The following MSR1 variants were observed in gnomAD, a reference collection of about 807,000 sequenced individuals.
The protein encoded by MSR1 is macrophage scavenger receptor types I and II.
In MSR1, 53 loss-of-function variants were observed where a neutral mutation model predicts 47.2. The observed-to-expected ratio is 1.12, with a 90% confidence interval of 0.90 to 1.41. The LOEUF (loss-of-function observed/expected upper bound fraction) is 1.41, where lower values mean the gene tolerates loss of function less well. Ranked by LOEUF, MSR1 falls within the 40% of genes most tolerant of loss-of-function variation. The pLI is 0.00. For synonymous variants in MSR1, 239 were observed against 185.6 expected (o/e 1.29, Z -2.34); for missense variants, 786 against 546.9 (o/e 1.44, Z -4.36).
intron 1 of MSR1, among the ~76,000 whole-genome samples, chr8:16,183,180 T>C (rs1801886039): frequency 6.6e-6 from 1 of 152,144 alleles, no homozygotes; most frequent in Non-Finnish European, 1.5e-5. Flanking sequence ...CTTCTCCACA[T>C]GTTTGATTAT....
intron 5 of MSR1, among the ~76,000 whole-genome samples, chr8:16,162,877 C>T (rs2117165902): frequency 6.6e-6 from 1 of 151,716 alleles, no homozygotes; most frequent in South Asian, 2.1e-4. Context: ...ACTACTTTTC[C>T]CTAATTAAGG....
At chr8:16,116,454 T>C (rs1432950522) in intron 9 of MSR1, among the ~76,000 whole-genome samples, 4 of 152,102 alleles carry the variant, frequency 2.6e-5, no homozygotes, top group Non-Finnish European at 5.9e-5. Context: ...ATGTATAGAA[T>C]CACCAACTAC....
intron 1 of MSR1, among the ~76,000 whole-genome samples, chr8:16,179,353 T>A (rs891966598): frequency 6.6e-6 from 1 of 152,174 alleles, no homozygotes; most frequent in African/African-American, 2.4e-5. Context: ...ATCCTCTTCC[T>A]CCACAATGTT....
intron 1 of MSR1, among the ~76,000 whole-genome samples, chr8:16,183,630 TATATA>T (rs1351139149): frequency 1.1e-4 from 15 of 141,242 alleles, no homozygotes; most frequent in African/African-American, 2.9e-4. Flanking sequence ...ATATATATAA[TATATA>T]ATATAATAAA....
chr8:16,142,122 G>A (rs570403380), intron 8 of MSR1, among the ~76,000 whole-genome samples: 119 of 151,892 alleles, frequency 7.8e-4, no homozygotes, highest in African/African-American at 2.8e-3. Context: ...TGAGGTCAGG[G>A]GATCGAGACC....
intron 5 of MSR1, among the ~76,000 whole-genome samples, chr8:16,163,393 T>C (rs1801215212): frequency 6.6e-6 from 1 of 151,364 alleles, no homozygotes; most frequent in Admixed American, 6.6e-5. Flanking sequence ...AATCAAAATA[T>C]AGAAAAATAC....
chr8:16,151,659 C>A (rs897852283), intron 6 of MSR1, among the ~76,000 whole-genome samples: 5 of 152,092 alleles, frequency 3.3e-5, no homozygotes, highest in Non-Finnish European at 7.4e-5. Flanking sequence ...GAATCTCAGC[C>A]ATGGGATGTT....
At chr8:16,158,655 C>T (rs981995125) in intron 5 of MSR1, among the ~76,000 whole-genome samples, 1 of 151,442 alleles carries the variant, frequency 6.6e-6, no homozygotes, top group African/African-American at 2.4e-5. Context: ...TTTTCATGCT[C>T]ATTGATTTAG....
chr8:16,132,606 GCC>G (rs991976882), intron 8 of MSR1, among the ~76,000 whole-genome samples: 1 of 152,010 alleles, frequency 6.6e-6, no homozygotes, highest in Non-Finnish European at 1.5e-5. Flanking sequence ...TCCTGCCTCA[GCC>G]CCCCAAGTAG....
At chr8:16,179,387 C>T (rs1028017786) in intron 1 of MSR1, among the ~76,000 whole-genome samples, 3 of 152,106 alleles carry the variant, frequency 2.0e-5, no homozygotes, top group African/African-American at 7.2e-5. Context: ...GAACATAGTC[C>T]TTGTCCATAT....
chr8:16,135,068 G>A (rs2117092882), intron 8 of MSR1, among the ~76,000 whole-genome samples: 1 of 152,206 alleles, frequency 6.6e-6, no homozygotes. Flanking sequence ...TAGCAAGTGT[G>A]GATATAGAAG....
Position 16,186,039 on chromosome 8 carries a change from A to G in MSR1, c.-5+6559T>C, listed in dbSNP as rs1011098357. On this transcript the variant is annotated intron_variant, in intron 1 of 9. Transcript: ENST00000262101. ...GCAAGAAATCCATAACCTGCCACAT[A>G]GAATTTAAGTTGTTTTTCCTGTGTG... The G allele has an allele frequency of 9.4e-6, 8 of 848,642 alleles. No individual in the cohort carries two copies. In the Admixed American group the frequency reaches 1.6e-4, roughly 17 times the overall value. The allele number at this position is 848,642 out of a possible 1,614,324, so 52.6% of individuals were successfully genotyped here.
chr8:16,149,574 T>A (rs534907238), intron 7 of MSR1, among the ~76,000 whole-genome samples: 1 of 152,224 alleles, frequency 6.6e-6, no homozygotes, highest in South Asian at 2.1e-4. Flanking sequence ...GAGGAGACAG[T>A]AAGCCTAGCT....
intron 8 of MSR1, among the ~76,000 whole-genome samples, chr8:16,141,956 AAGG>A (rs1203853527): frequency 3.3e-5 from 5 of 152,194 alleles, no homozygotes; most frequent in Admixed American, 6.5e-5. Flanking sequence ...TAAGGATAAG[AAGG>A]AGAACTTTTT....
At chr8:16,161,929 A>T (rs1304437812) in intron 5 of MSR1, among the ~76,000 whole-genome samples, 1 of 152,032 alleles carries the variant, frequency 6.6e-6, no homozygotes, top group Non-Finnish European at 1.5e-5. Context: ...TAAAATCATG[A>T]AATAGAGCTT....
chr8:16,120,231 G>C (rs1799966641), intron 9 of MSR1, among the ~76,000 whole-genome samples, 187 bp downstream of exon 9: 1 of 151,752 alleles, frequency 6.6e-6, no homozygotes, highest in Non-Finnish European at 1.5e-5. Context: ...CAAAAAATGA[G>C]CCGGGTGTGG....
chr8:16,175,298 G>C lies in MSR1; in HGVS notation c.106C>G (p.Pro36Ala), dbSNP rs749666450. 3.8e-5 allele frequency: 62 copies of C among 1,612,850 alleles called. No individual in the cohort carries two copies. Among genetic ancestry groups the C allele is most frequent in the Non-Finnish European group, 5.0e-5 (59 of 1,179,068 alleles). ...TCTTGAAGGGAAGGGCTGTTTTTAG[G>C]ATCTAATAAAACAAAAAAGCCCAGC... is the stretch of plus-strand genomic sequence containing the variant. ...RSMTALLPPN[P>A]KNSPSLQEKL... The change falls in exon 3 of 10, where the codon CCT becomes GCT. Residue 36 changes from proline (P) to alanine (A), a missense_variant and splice_region_variant. Pro to Ala is a conservative substitution (Grantham distance 27). Transcript: ENST00000262101.
chr8:16,154,706 C>G (rs758093228), intron 6 of MSR1, among the ~76,000 whole-genome samples: 2 of 151,790 alleles, frequency 1.3e-5, no homozygotes, highest in African/African-American at 2.4e-5. Flanking sequence ...TGTTGTACTC[C>G]CCTTCACATA....
chr8:16,164,580 C>T (rs1801252454), intron 4 of MSR1, among the ~76,000 whole-genome samples: 1 of 151,862 alleles, frequency 6.6e-6, no homozygotes, highest in African/African-American at 2.4e-5. Context: ...CTTAATTTAT[C>T]TGAAGTAAAA....
Sources: gnomAD v4.1 joint callset for allele counts (sites outside exome capture counted in the v4.1 genomes callset) on GRCh38, gnomAD v4.1.1 for gene constraint, MANE v1.5 for transcripts, NCBI Gene and HGNC (gene_info 2026-07-23, HGNC 2026-07-21) for gene names.